Variants in ADSS1 observed in about 807,000 individuals in gnomAD.
ADSS1 encodes adenylosuccinate synthetase isozyme 1.
In ADSS1, 57 loss-of-function variants were observed where a neutral mutation model predicts 59.1. That is an observed-to-expected ratio of 0.97 (90% confidence interval 0.78 to 1.20). ADSS1 has a LOEUF of 1.20. Among genes scored for constraint, ADSS1 ranks in the 50% most tolerant of loss-of-function variants. The pLI is 0.00. For synonymous variants in ADSS1, 247 were observed against 249.4 expected, an observed-to-expected ratio of 0.99 and a Z score of 0.09; for missense variants, 603 against 610.3, an observed-to-expected ratio of 0.99 and a Z score of 0.13.
intron 7 of ADSS1, 43 bp from the exon 8 acceptor site, chr14:104,741,074 C>T (rs779659436): frequency 2.6e-5 from 42 of 1,585,064 alleles, no homozygotes; most frequent in Non-Finnish European, 3.5e-5. Flanking sequence ...CCTCCCCTGC[C>T]CCAGGCCACA....
At chr14:104,741,700 A>T (rs4983539) in intron 8 of ADSS1, 148 bp from the exon 9 acceptor site, 2 of 951,922 alleles carry the variant, frequency 2.1e-6, no homozygotes, top group South Asian at 1.7e-5. Context: ...CGGCCACTCC[A>T]CCAGGACAGG....
rs557232475 is a variant in ADSS1 at position 104,730,117 on chromosome 14, G to A, written c.193-4903G>A. On this transcript the variant is annotated intron_variant, in intron 1 of 12. Coordinates refer to ENST00000330877, the MANE Select transcript of ADSS1 (RefSeq NM_152328.5). ...CAACTAGGGTGACGCTGGGAGAGGA[G>A]AGGGCTTGGAGGAGCCACGGGTCAA... 32 of 1,548,454 alleles carry A rather than the reference G, an allele frequency of 2.1e-5. No homozygotes were observed. The Admixed American group carries it at 4.3e-4, about 21-fold the overall frequency.
intron 9 of ADSS1, among the ~76,000 whole-genome samples, chr14:104,742,542 C>A (rs4247034): frequency 6.6e-6 from 1 of 152,118 alleles, no homozygotes; most frequent in Admixed American, 6.5e-5. Context: ...TCCTCTTTCA[C>A]CCTCAACCTG....
chr14:104,735,189 G>T (rs181011783), intron 2 of ADSS1, 67 bp downstream of exon 2: 3 of 1,409,512 alleles, frequency 2.1e-6, no homozygotes, highest in South Asian at 2.5e-5. Flanking sequence ...GGAGCCCCAC[G>T]CATGGGGGCA....
intron 1 of ADSS1, among the ~76,000 whole-genome samples, chr14:104,731,551 T>C (rs1890931800): frequency 6.6e-6 from 1 of 152,182 alleles, no homozygotes; most frequent in Admixed American, 6.5e-5. Context: ...GGCTGAAGGA[T>C]GGATGTGCCC....
chr14:104,730,673 G>A (rs1890891801), intron 1 of ADSS1, among the ~76,000 whole-genome samples: 1 of 152,110 alleles, frequency 6.6e-6, no homozygotes, highest in Non-Finnish European at 1.5e-5. Context: ...GTGGCCCCGA[G>A]AGGTGCTGCG....
At chr14:104,727,143 C>T (rs893716050) in intron 1 of ADSS1, among the ~76,000 whole-genome samples, 7 of 152,192 alleles carry the variant, frequency 4.6e-5, no homozygotes, top group Admixed American at 1.3e-4. Flanking sequence ...CCGCACGGCT[C>T]GCCTCATTCT....
At chr14:104,744,544 C>G in intron 10 of ADSS1, 1 of 408,066 alleles carries the variant, frequency 2.5e-6, no homozygotes, top group Non-Finnish European at 4.4e-6. Context: ...TGGCCTAGAT[C>G]CCTCGCATGC....
At chr14:104,743,560 C>T (rs749079906) in intron 10 of ADSS1, 3 of 230,896 alleles carry the variant, frequency 1.3e-5, no homozygotes, top group African/African-American at 2.2e-5. Context: ...TTGAGGCATC[C>T]GCTCTGCAGG....
At chr14:104,734,203 A>T (rs1202865571) in intron 1 of ADSS1, among the ~76,000 whole-genome samples, 17 of 152,160 alleles carry the variant, frequency 1.1e-4, no homozygotes, top group Admixed American at 1.1e-3. Flanking sequence ...CCCTGTATCC[A>T]TCATGCCACC....
chr14:104,736,520 C>T (rs748364344), intron 2 of ADSS1, among the ~76,000 whole-genome samples: 1 of 152,194 alleles, frequency 6.6e-6, no homozygotes, highest in Non-Finnish European at 1.5e-5. Flanking sequence ...ACCTTTTGTG[C>T]TCACCATGGC....
At chr14:104,732,835 T>C (rs987690064) in intron 1 of ADSS1, among the ~76,000 whole-genome samples, 1 of 152,200 alleles carries the variant, frequency 6.6e-6, no homozygotes, top group African/African-American at 2.4e-5. Flanking sequence ...GTCGTGGGCA[T>C]GAAGGTACTC....
chr14:104,738,335 G>A, intron 2 of ADSS1, 41 bp from the exon 3 acceptor site: 1 of 1,606,908 alleles, frequency 6.2e-7, no homozygotes, highest in Non-Finnish European at 8.5e-7. Flanking sequence ...TCCAGTGTCT[G>A]GGACACAACT....
At chr14:104,737,761 A>G (rs1211367124) in intron 2 of ADSS1, 1 of 152,242 alleles carries the variant, frequency 6.6e-6, no homozygotes, top group Admixed American at 6.5e-5. Flanking sequence ...GACTTCATAT[A>G]AGCGGAATCA....
In ADSS1 at chr14:104,739,756, A is replaced by T; in HGVS notation, c.416A>T (p.Asp139Val). ...IISDRAHLVF[D>V]FHQAVDGLQE... ...CACCTGGCCCGCCCGACAGTGTTTG[A>T]TTTTCACCAGGCTGTCGACGGACTT... is the stretch of plus-strand genomic sequence containing the variant. Residue 139 changes from aspartate to valine, a missense_variant, in exon 5 of 13, where the codon GAT (aspartate) becomes GTT (valine). Asp to Val is a radical substitution (Grantham distance 152, BLOSUM62 -3). Coordinates refer to ENST00000330877, the MANE Select transcript of ADSS1 (RefSeq NM_152328.5). The T allele has an allele frequency of 1.2e-6, 2 of 1,613,678 alleles. No individual in the cohort carries two copies. The highest frequency in any genetic ancestry group is 2.2e-5 in the South Asian group (2 of 91,054).
chr14:104,743,551 T>G, intron 10 of ADSS1: 1 of 242,206 alleles, frequency 4.1e-6, no homozygotes, highest in Non-Finnish European at 8.5e-6. Flanking sequence ...GCCGGCCTGT[T>G]GAGGCATCCG....
At position 104,741,130 on chromosome 14, in the gene ADSS1, G is replaced by A. The variant is rs770019637; in HGVS notation, c.680G>A (p.Arg227Gln). 2.9e-5 allele frequency: 46 copies of A among 1,604,832 alleles called. No homozygotes were observed. The highest frequency in any genetic ancestry group is 3.7e-5 in the Non-Finnish European group (43 of 1,174,410). Residue 227 changes from arginine to glutamine, a missense_variant, in exon 8 of 13, where the codon CGG becomes CAG. By Grantham distance (43) the Arg-to-Gln change is conservative (BLOSUM62 1). Coordinates refer to ENST00000330877, the MANE Select transcript of ADSS1 (RefSeq NM_152328.5). ...QLKRLKGFAE[R>Q]IRPMVRDGVY... is the part of the protein sequence containing the mutation. ...CCTTCCTTGCAGGGCTTTGCTGAGC[G>A]GATCAGACCCATGGTCCGAGATGGT...
At chr14:104,745,225 A>G in intron 11 of ADSS1, 1 of 320,032 alleles carries the variant, frequency 3.1e-6, no homozygotes, top group Non-Finnish European at 5.9e-6. Flanking sequence ...GCCCACCTGC[A>G]GGGAGCCACG....
chr14:104,730,958 T>TC (rs1223162732), intron 1 of ADSS1, among the ~76,000 whole-genome samples: 1 of 32,046 alleles, frequency 3.1e-5, no homozygotes, highest in Non-Finnish European at 8.0e-5. Context: ...AGGCAGAGAG[T>TC]GGGGGGGGGG....
Sources: gnomAD v4.1 joint callset for allele counts (sites outside exome capture counted in the v4.1 genomes callset) on GRCh38, gnomAD v4.1.1 for gene constraint, MANE v1.5 for transcripts, NCBI Gene and HGNC (gene_info 2026-07-23, HGNC 2026-07-21) for gene names.